CEP112: variants seen among roughly 807,000 people sequenced by gnomAD.
The protein encoded by CEP112 is centrosomal protein of 112 kDa.
In CEP112, 127 loss-of-function variants were observed where a neutral mutation model predicts 153.0. The observed-to-expected ratio is 0.83, with a 90% confidence interval of 0.72 to 0.96. The LOEUF (loss-of-function observed/expected upper bound fraction) is 0.96, where lower values mean the gene tolerates loss of function less well. CEP112 is among the 40% of genes least tolerant of loss of function. CEP112 has a pLI of 0.00. For missense variants in CEP112, 1,089 were observed against 1,101.2 expected, an observed-to-expected ratio of 0.99 and a Z score of 0.16; for synonymous variants, 358 against 374.4, an observed-to-expected ratio of 0.96 and a Z score of 0.51.
At chr17:66,128,971 T>G (rs1478514501) in intron 6 of CEP112, among the ~76,000 whole-genome samples, 2 of 152,176 alleles carry the variant, frequency 1.3e-5, no homozygotes, top group East Asian at 3.8e-4. Context: ...TCCTCTGATT[T>G]TCTATATTTT....
At chr17:66,068,522 T>G (rs1193595844) in intron 9 of CEP112, among the ~76,000 whole-genome samples, 1 of 152,206 alleles carries the variant, frequency 6.6e-6, no homozygotes, top group Non-Finnish European at 1.5e-5. Flanking sequence ...ACACTCTAAA[T>G]TTTACGCCTT....
At chr17:66,047,604 C>A (rs2066268175) in intron 12 of CEP112, among the ~76,000 whole-genome samples, 1 of 152,114 alleles carries the variant, frequency 6.6e-6, no homozygotes, top group Non-Finnish European at 1.5e-5. Flanking sequence ...CATTTTAAAA[C>A]CACTATTGTC....
chr17:65,988,362 C>T (rs1485229628), intron 17 of CEP112, among the ~76,000 whole-genome samples: 1 of 152,174 alleles, frequency 6.6e-6, no homozygotes, highest in East Asian at 1.9e-4. Flanking sequence ...AATGCAAAGA[C>T]ACAGATGAAC....
intron 15 of CEP112, 75 bp downstream of exon 15, chr17:66,028,238 G>T: frequency 2.5e-6 from 2 of 806,356 alleles, no homozygotes; most frequent in South Asian, 1.8e-5. Context: ...TTTTTTAATT[G>T]ACTCTCAATG....
At chr17:65,978,783 A>G (rs2063124983) in intron 17 of CEP112, among the ~76,000 whole-genome samples, 1 of 152,230 alleles carries the variant, frequency 6.6e-6, no homozygotes. Flanking sequence ...ATGTAAAAAT[A>G]TGTTCCAAAT....
chr17:66,066,628 G>T, intron 10 of CEP112, 150 bp downstream of exon 10: 1 of 455,412 alleles, frequency 2.2e-6, no homozygotes, highest in Non-Finnish European at 3.7e-6. Context: ...CCCTTCATAT[G>T]GAAGCCTATA....
chr17:66,160,913 T>C (rs1598466897), intron 4 of CEP112, among the ~76,000 whole-genome samples: 1 of 151,888 alleles, frequency 6.6e-6, no homozygotes, highest in Admixed American at 6.5e-5. Flanking sequence ...ACCTACAGAA[T>C]GGGAGAAAAT....
intron 20 of CEP112, among the ~76,000 whole-genome samples, chr17:65,854,848 G>A (rs901259558): frequency 6.6e-6 from 1 of 152,086 alleles, no homozygotes; most frequent in Non-Finnish European, 1.5e-5. Flanking sequence ...TTGAACCCAA[G>A]AGAAGAGATA....
At chr17:66,111,042 A>T (rs893475775) in intron 6 of CEP112, among the ~76,000 whole-genome samples, 6 of 152,224 alleles carry the variant, frequency 3.9e-5, no homozygotes, top group African/African-American at 1.2e-4. Context: ...AAAGTGAGCA[A>T]AGGACATGAA....
At chr17:66,142,740 T>C (rs1188531901) in intron 4 of CEP112, among the ~76,000 whole-genome samples, 1 of 152,196 alleles carries the variant, frequency 6.6e-6, no homozygotes, top group Non-Finnish European at 1.5e-5. Flanking sequence ...TCATACTGTT[T>C]CAATTACTAT....
intron 21 of CEP112, among the ~76,000 whole-genome samples, chr17:65,816,050 C>T (rs564078260): frequency 3.7e-4 from 57 of 152,120 alleles, no homozygotes; most frequent in Middle Eastern, 3.4e-3. Flanking sequence ...ATGTCTTTTC[C>T]TTGTTACCAA....
chr17:65,800,226 G>C (rs2055183051), intron 21 of CEP112, among the ~76,000 whole-genome samples: 2 of 151,602 alleles, frequency 1.3e-5, no homozygotes, highest in South Asian at 4.2e-4. Flanking sequence ...ATCTGATTCT[G>C]ATTTTTTTTT....
chr17:65,784,378 T>G (rs548620747), intron 21 of CEP112, among the ~76,000 whole-genome samples: 1 of 152,326 alleles, frequency 6.6e-6, no homozygotes, highest in South Asian at 2.1e-4. Flanking sequence ...TACTCTTTCT[T>G]ATTCATCTTT....
intron 20 of CEP112, among the ~76,000 whole-genome samples, chr17:65,884,720 T>C (rs12939382): frequency 6.8e-4 from 94 of 137,784 alleles, no homozygotes; most frequent in African/African-American, 2.0e-3. Context: ...TTTTTTTTTC[T>C]TTTTTTTTTT....
At chr17:65,653,975 C>T (rs895651660) in intron 24 of CEP112, among the ~76,000 whole-genome samples, 4 of 145,420 alleles carry the variant, frequency 2.8e-5, no homozygotes, top group African/African-American at 5.1e-5. Context: ...AGGAGAATTG[C>T]TTGAACCCAG....
chr17:66,063,038 T>C lies in CEP112; in HGVS notation c.999A>G (p.Lys333=), dbSNP rs1341491895. ...IRDCQVIRET[K]EDQIAELKKI... ...TTTTCAGCTCTGCAATCTGGTCTTC[T>C]TTAGTCTCTCTGATAACTTGACAGT... is the stretch of plus-strand genomic sequence containing the variant. The change falls in exon 11 of 27, where the codon AAA becomes AAG. Residue 333 remains lysine, a synonymous_variant. Transcript: ENST00000535342. 2 of 1,597,816 alleles carry C rather than the reference T, an allele frequency of 1.3e-6. No homozygotes were observed. Among genetic ancestry groups the C allele is most frequent in the Non-Finnish European group, 1.7e-6 (2 of 1,173,318 alleles).
chr17:65,963,670 TA>T (rs951508380), intron 17 of CEP112, among the ~76,000 whole-genome samples: 56 of 139,292 alleles, frequency 4.0e-4, no homozygotes, highest in African/African-American at 9.4e-4. Flanking sequence ...TAGATATAGA[TA>T]GGGGTGTGTG....
intron 18 of CEP112, among the ~76,000 whole-genome samples, chr17:65,953,879 T>C (rs187848389): frequency 6.6e-6 from 1 of 152,290 alleles, no homozygotes; most frequent in Admixed American, 6.5e-5. Context: ...CCTACCCTGG[T>C]ATCAGAAGAC....
At chr17:66,065,901 T>C (rs756609778) in intron 10 of CEP112, among the ~76,000 whole-genome samples, 19 of 152,174 alleles carry the variant, frequency 1.2e-4, no homozygotes, top group Non-Finnish European at 2.5e-4. Flanking sequence ...AGTGCTGGGA[T>C]TACAGGCGTA....
Sources: gnomAD v4.1 joint callset for allele counts (sites outside exome capture counted in the v4.1 genomes callset) on GRCh38, gnomAD v4.1.1 for gene constraint, MANE v1.5 for transcripts, NCBI Gene and HGNC (gene_info 2026-07-23, HGNC 2026-07-21) for gene names.